SCN2A: variants seen among roughly 807,000 people sequenced by gnomAD.
SCN2A encodes sodium voltage-gated channel alpha subunit 2.
A neutral mutation model predicts 188.7 loss-of-function variants in SCN2A; 20 were observed. The ratio of observed to expected loss-of-function variants is 0.11; its 90% confidence interval spans 0.07 to 0.15. The LOEUF (loss-of-function observed/expected upper bound fraction) is 0.15. SCN2A is among the 10% of genes least tolerant of loss of function. The pLI is 1.00. For missense variants in SCN2A, 1,278 were observed against 2,445.0 expected (o/e 0.52, Z 10.07); for synonymous variants, 804 against 833.1 (o/e 0.97, Z 0.60).
chr2:165,378,909 C>G (rs1446816778), intron 23 of SCN2A, among the ~76,000 whole-genome samples: 2 of 151,684 alleles, frequency 1.3e-5, no homozygotes, highest in Admixed American at 1.3e-4. Context: ...AAAACATTAT[C>G]TACACACCTA....
intron 20 of SCN2A, chr2:165,371,159 A>G (rs1484642047): frequency 1.3e-5 from 2 of 152,212 alleles, no homozygotes; most frequent in African/African-American, 4.8e-5. Flanking sequence ...TGATATATCT[A>G]TGTTAGGATA....
At chr2:165,360,266 T>A (rs1700394856) in intron 17 of SCN2A, among the ~76,000 whole-genome samples, 3 of 151,990 alleles carry the variant, frequency 2.0e-5, no homozygotes, top group Admixed American at 2.0e-4. Context: ...ATTCATTATT[T>A]TTGAAAATAA....
intron 16 of SCN2A, among the ~76,000 whole-genome samples, chr2:165,351,312 A>T (rs1699903760): frequency 6.6e-6 from 1 of 152,172 alleles, no homozygotes; most frequent in Admixed American, 6.5e-5. Context: ...AAAAACTTCA[A>T]TGGATTTATG....
intron 25 of SCN2A, among the ~76,000 whole-genome samples, chr2:165,385,644 A>G (rs1701831372): frequency 6.6e-6 from 1 of 152,204 alleles, no homozygotes; most frequent in Non-Finnish European, 1.5e-5. Context: ...TTGATATAAT[A>G]CCATTAAATA....
intron 14 of SCN2A, among the ~76,000 whole-genome samples, chr2:165,333,827 A>G (rs940817819): frequency 6.6e-6 from 1 of 151,536 alleles, no homozygotes; most frequent in Non-Finnish European, 1.5e-5. Context: ...AATAAAACCA[A>G]AAGTTATTTC....
intron 6 of SCN2A, 57 bp from the exon 7 acceptor site, chr2:165,310,266 C>T (rs1010614518): frequency 2.1e-5 from 33 of 1,568,656 alleles, no homozygotes; most frequent in East Asian, 6.7e-5. Flanking sequence ...ATATTTTTGC[C>T]GGTAAAATAG....
chr2:165,308,075 C>T (rs1697234703), intron 4 of SCN2A, 138 bp downstream of exon 4: 1 of 733,294 alleles, frequency 1.4e-6, no homozygotes, highest in East Asian at 2.5e-5. Context: ...TCATTTCTGT[C>T]ACTAAATGTC....
chr2:165,390,783 C>A lies in SCN2A; in HGVS notation c.*959C>A, dbSNP rs554691841. ...TATCCTATCAGTCCTTTCTAAGAAG[C>A]CTGAATTGACCAAAAAACATCCCCA... On this transcript the variant is annotated 3_prime_UTR_variant, in exon 27 of 27. Transcript: ENST00000375437. 1.3e-5 allele frequency: 2 copies of A among 152,440 alleles called. No individual in the cohort carries two copies. Among genetic ancestry groups the A allele is most frequent in the Non-Finnish European group, 2.9e-5 (2 of 68,008 alleles). The allele number at this position is 152,440 out of a possible 1,614,324, so 9.4% of individuals were successfully genotyped here. A position where few individuals can be genotyped will look rare whatever the true frequency, so the allele number is the denominator to read the frequency against.
At chr2:165,304,157 G>A (rs1559348816) in intron 3 of SCN2A, among the ~76,000 whole-genome samples, 1 of 152,122 alleles carries the variant, frequency 6.6e-6, no homozygotes, top group Non-Finnish European at 1.5e-5. Flanking sequence ...GAGTGCAATG[G>A]CGTGATCTTG....
intron 23 of SCN2A, among the ~76,000 whole-genome samples, chr2:165,379,916 T>C (rs1422534492): frequency 6.6e-6 from 1 of 151,770 alleles, no homozygotes; most frequent in Non-Finnish European, 1.5e-5. Context: ...TAAACAAAAG[T>C]GGATTAGACA....
At position 165,390,032 on chromosome 2, in the gene SCN2A, G is replaced by T. The variant is rs1702068656; in HGVS notation, c.*208G>T. The T allele has an allele frequency of 2.7e-6, 2 of 753,064 alleles. No homozygotes were observed. The allele number at this position is 753,064 out of a possible 1,614,324, so 46.6% of individuals were successfully genotyped here. A position where few individuals can be genotyped will look rare whatever the true frequency, so the allele number is the denominator to read the frequency against. Reference sequence around the variant, plus strand: ...ACTGGAGAAATAGTATCGATGGGAGGTTTCTATTTTCACAACCAGCTGACA... The same window carrying T: ...ACTGGAGAAATAGTATCGATGGGAGTTTTCTATTTTCACAACCAGCTGACA... On this transcript the variant is annotated 3_prime_UTR_variant, in exon 27 of 27. Transcript: ENST00000375437.
At chr2:165,290,743 C>A in intron 1 of SCN2A, 1 of 983,736 alleles carries the variant, frequency 1.0e-6, no homozygotes, top group Middle Eastern at 5.2e-4. Flanking sequence ...AAATATTGTG[C>A]GCTTGATTGC....
chr2:165,294,769 G>A (rs1044050204), intron 1 of SCN2A, among the ~76,000 whole-genome samples: 5 of 152,154 alleles, frequency 3.3e-5, no homozygotes, highest in African/African-American at 1.2e-4. Flanking sequence ...GCTCTTTTGA[G>A]TTATCTACTT....
chr2:165,375,676 G>A (rs923008850), intron 22 of SCN2A, among the ~76,000 whole-genome samples: 1 of 151,988 alleles, frequency 6.6e-6, no homozygotes, highest in Non-Finnish European at 1.5e-5. Context: ...TTCAGTTTAG[G>A]AAACTGCTTC....
chr2:165,273,840 G>A (rs977536686), intron 1 of SCN2A: 2 of 152,144 alleles, frequency 1.3e-5, no homozygotes, highest in African/African-American at 4.8e-5. Context: ...GCCTGGTAAT[G>A]AATATATAGA....
At chr2:165,348,711 TAC>T (rs1699735250) in intron 16 of SCN2A, among the ~76,000 whole-genome samples, 2 of 152,210 alleles carry the variant, frequency 1.3e-5, no homozygotes, top group East Asian at 3.9e-4. Flanking sequence ...TAGCTGAGGT[TAC>T]AGTTATCTTG....
At chr2:165,375,016 A>C in intron 22 of SCN2A, 50 bp downstream of exon 22, 1 of 1,532,894 alleles carries the variant, frequency 6.5e-7, no homozygotes, top group Non-Finnish European at 9.0e-7. Flanking sequence ...AAATGAGTCT[A>C]AAGTTTTTCT....
intron 1 of SCN2A, among the ~76,000 whole-genome samples, chr2:165,254,558 C>T (rs1023339868): frequency 2.6e-5 from 4 of 151,574 alleles, no homozygotes; most frequent in Non-Finnish European, 5.9e-5. Flanking sequence ...AATAAAAACT[C>T]ACCTGTAAAC....
At position 165,326,906 on chromosome 2, in the gene SCN2A, T is replaced by C. The variant is rs1698386649; in HGVS notation, c.2071T>C (p.Ser691Pro). The change falls in exon 13 of 27, where the codon TCC becomes CCC. Residue 691 changes from serine to proline, a missense_variant. This residue lies in a region of SCN2A where 315 missense variants were observed against 386.6 expected (regional missense o/e 0.81). Transcript: ENST00000375437. ...RKRRSSSYHV[S>P]MDLLEDPTSR... Reference sequence around the variant, plus strand: ...GAGACGGTCCAGTTCTTATCATGTTTCCATGGATTTATTGGAAGATCCTAC... The same window carrying C: ...GAGACGGTCCAGTTCTTATCATGTTCCCATGGATTTATTGGAAGATCCTAC... 2 of 1,614,056 alleles carry C rather than the reference T, an allele frequency of 1.2e-6. No individual in the cohort carries two copies. Among genetic ancestry groups the C allele is most frequent in the Non-Finnish European group, 1.7e-6 (2 of 1,179,908 alleles).
Sources: allele counts gnomAD v4.1 joint callset (sites outside exome capture counted in the v4.1 genomes callset), GRCh38; gene constraint gnomAD v4.1.1; regional missense constraint gnomAD v4.1.1; transcripts MANE v1.5; gene names NCBI Gene and HGNC (gene_info 2026-07-23, HGNC 2026-07-21).